The following FNDC3B variants were observed in gnomAD, a reference collection of about 807,000 sequenced individuals.
The protein encoded by FNDC3B is fibronectin type III domain containing 3B, also known as fibronectin type III domain-containing protein 3B.
In FNDC3B, 12 loss-of-function variants were observed where a neutral mutation model predicts 151.5. The ratio of observed to expected loss-of-function variants is 0.08; its 90% CI spans 0.05 to 0.13. The LOEUF (loss-of-function observed/expected upper bound fraction) is 0.13. Among genes scored for constraint, FNDC3B ranks in the 10% least tolerant of loss-of-function variants. The probability of loss-of-function intolerance (pLI) is 1.00; values close to 1 mark genes in which losing one functional copy is unlikely to be tolerated. For synonymous variants in FNDC3B, 528 were observed against 549.0 expected (o/e 0.96, Z 0.54); for missense variants, 1,214 against 1,505.3 (o/e 0.81, Z 3.20).
At chr3:172,181,823 A>G (rs537255222) in intron 3 of FNDC3B, among the ~76,000 whole-genome samples, 60 of 101,294 alleles carry the variant, frequency 5.9e-4, no homozygotes, top group African/African-American at 2.4e-3. Flanking sequence ...GCAAGACTCC[A>G]TCTCAAAAAA....
At chr3:172,343,143 A>G (rs375481057) in intron 18 of FNDC3B, 27 bp downstream of exon 18, 12 of 1,192,016 alleles carry the variant, frequency 1.0e-5, no homozygotes, top group Non-Finnish European at 2.5e-6. Flanking sequence ...TCACATTGAC[A>G]TTGACAATTT....
At position 172,251,372 on chromosome 3, in the gene FNDC3B, C is replaced by G; in HGVS notation, c.621C>G (p.Asn207Lys). The change falls in exon 6 of 26, where the codon AAC becomes AAG. Residue 207 changes from asparagine to lysine, a missense_variant. This residue lies in a region of FNDC3B where 166 missense variants were observed against 173.2 expected (regional missense o/e 0.96). Transcript: ENST00000415807. ...AGATCGATCGCCAGAACCGCCTCAA[C>G]AGCCCTCCTTCTTCTATCTACAAAA... is the stretch of plus-strand genomic sequence containing the variant. ...DRQIDRQNRL[N>K]SPPSSIYKSS... 1 of 1,614,124 alleles carries G rather than the reference C, an allele frequency of 6.2e-7. No individual in the cohort carries two copies. Among genetic ancestry groups the G allele is most frequent in the Non-Finnish European group, 8.5e-7 (1 of 1,180,016 alleles).
intron 4 of FNDC3B, among the ~76,000 whole-genome samples, chr3:172,242,286 G>A (rs956069766): frequency 3.3e-5 from 5 of 152,168 alleles, no homozygotes; most frequent in Non-Finnish European, 5.9e-5. Context: ...TCTGGGATCT[G>A]GAGGATGGTA....
At chr3:172,114,391 G>A (rs1720140382) in intron 2 of FNDC3B, among the ~76,000 whole-genome samples, 1 of 152,120 alleles carries the variant, frequency 6.6e-6, no homozygotes. Context: ...CTCAGATGTG[G>A]TCACCTCATT....
At chr3:172,354,625 CTTG>C (rs772075278) in intron 22 of FNDC3B, among the ~76,000 whole-genome samples, 16 of 151,928 alleles carry the variant, frequency 1.1e-4, no homozygotes, top group East Asian at 1.9e-4. Context: ...AACCCACAGT[CTTG>C]TTGTTTTATG....
At chr3:172,084,472 T>TACACACACACACAC (rs138156277) in intron 1 of FNDC3B, among the ~76,000 whole-genome samples, 9,436 of 143,394 alleles carry the variant, frequency 0.066, 396 homozygotes, top group Non-Finnish European at 0.077. Context: ...TGTATATGTA[T>TACACACACACACAC]ACACACACAC....
chr3:172,236,939 A>G (rs1350177520), intron 4 of FNDC3B, among the ~76,000 whole-genome samples: 1 of 152,132 alleles, frequency 6.6e-6, no homozygotes, highest in Admixed American at 6.5e-5. Flanking sequence ...ACCTGGAAAG[A>G]GCTAGGTGTT....
chr3:172,099,422 A>C (rs2108521157), intron 1 of FNDC3B, among the ~76,000 whole-genome samples: 1 of 152,268 alleles, frequency 6.6e-6, no homozygotes, highest in East Asian at 1.9e-4. Context: ...AGATCAGAGC[A>C]GATATGATTC....
chr3:172,271,735 G>A lies in FNDC3B; in HGVS notation c.791-14191G>A, dbSNP rs998077392. ...GTCTGCATCAGAAAGCCGTGCAGAC[G>A]TGGAGAGCCATCTTTTTCCAAACGT... On this transcript the variant is annotated intron_variant, in intron 6 of 25. Transcript: ENST00000415807. Among the ~76,000 whole-genome samples the A allele has an allele frequency of 1.6e-4, 24 of 152,330 alleles. 1 individual carries two copies. The highest frequency in any genetic ancestry group is 5.8e-4 in the African/African-American group (24 of 41,584).
chr3:172,222,564 G>A (rs1320259509), intron 3 of FNDC3B, among the ~76,000 whole-genome samples: 1 of 152,110 alleles, frequency 6.6e-6, no homozygotes, highest in Non-Finnish European at 1.5e-5. Flanking sequence ...GGGGTGAGGG[G>A]GGCTGTTTCA....
chr3:172,064,351 T>G (rs1717383363), intron 1 of FNDC3B, among the ~76,000 whole-genome samples: 1 of 152,154 alleles, frequency 6.6e-6, no homozygotes, highest in Admixed American at 6.5e-5. Flanking sequence ...GCTAAGGTAT[T>G]TTGTTAAAGC....
At chr3:172,113,944 C>T (rs1720114471) in intron 2 of FNDC3B, among the ~76,000 whole-genome samples, 1 of 152,194 alleles carries the variant, frequency 6.6e-6, no homozygotes, top group Non-Finnish European at 1.5e-5. Context: ...ATCCACTTCA[C>T]TTCCACTACC....
Position 172,172,683 on chromosome 3 carries a change from C to T in FNDC3B, c.187+39137C>T, listed in dbSNP as rs1156760468. 8.5e-5 allele frequency among the ~76,000 whole-genome samples: 13 copies of T among 152,180 alleles called. 1 individual carries two copies. On this transcript the variant is annotated intron_variant, in intron 3 of 25. Transcript: ENST00000415807. Reference sequence around the variant, plus strand: ...TTTAAAAACCTTACATGTGAAATAGCTTAACATAAATATATAGGTTTAGAC... The same window carrying T: ...TTTAAAAACCTTACATGTGAAATAGTTTAACATAAATATATAGGTTTAGAC...
chr3:172,056,032 C>T (rs1213429892), intron 1 of FNDC3B, among the ~76,000 whole-genome samples: 6 of 152,086 alleles, frequency 3.9e-5, no homozygotes, highest in African/African-American at 7.2e-5. Flanking sequence ...CCGCCCGCCT[C>T]GGCCTCCCAA....
chr3:172,255,910 T>A (rs916803339), intron 6 of FNDC3B, among the ~76,000 whole-genome samples: 4 of 152,180 alleles, frequency 2.6e-5, no homozygotes, highest in Admixed American at 1.3e-4. Context: ...ATACGTTTCT[T>A]AGGATTTTCT....
chr3:172,286,263 C>CT (rs1730014188), intron 7 of FNDC3B, among the ~76,000 whole-genome samples: 1 of 150,716 alleles, frequency 6.6e-6, no homozygotes, highest in Non-Finnish European at 1.5e-5. Context: ...TTTTCTCTCT[C>CT]TTTTTTCAGT....
At chr3:172,251,191 T>G (rs771102844) in intron 5 of FNDC3B, 69 bp from the exon 6 acceptor site, 2 of 1,233,504 alleles carry the variant, frequency 1.6e-6, no homozygotes, top group South Asian at 1.4e-5. Context: ...GCCAGATCAT[T>G]TGACCATTTA....
intron 5 of FNDC3B, among the ~76,000 whole-genome samples, chr3:172,250,001 T>A (rs947395107): frequency 2.0e-5 from 3 of 152,134 alleles, no homozygotes; most frequent in Non-Finnish European, 4.4e-5. Flanking sequence ...TCAGAAGTGT[T>A]CAGATTTGGA....
At chr3:172,149,806 GTTTTTTTTTTTTTTTTT>G (rs10561622) in intron 3 of FNDC3B, among the ~76,000 whole-genome samples, 1 of 52,510 alleles carries the variant, frequency 1.9e-5, no homozygotes, top group East Asian at 8.1e-4. Context: ...TATGTTGGGT[GTTTTTTTTTTTTTTTTT>G]TTTTTTTTTT....
Sources: allele counts gnomAD v4.1 joint callset (sites outside exome capture counted in the v4.1 genomes callset), GRCh38; gene constraint gnomAD v4.1.1; regional missense constraint gnomAD v4.1.1; transcripts MANE v1.5; gene names NCBI Gene and HGNC (gene_info 2026-07-23, HGNC 2026-07-21).